Variants in SIPA1L3 observed in about 807,000 individuals in gnomAD.
SIPA1L3 encodes the protein signal induced proliferation associated 1 like 3.
SIPA1L3 carries 59 observed loss-of-function variants against 150.1 expected under a neutral mutation model. The ratio of observed to expected loss-of-function variants is 0.39; its 90% CI spans 0.32 to 0.49. The LOEUF (loss-of-function observed/expected upper bound fraction) is 0.49. Ranked by LOEUF, SIPA1L3 falls within the 20% of genes least tolerant of loss-of-function variation. SIPA1L3 has a pLI of 0.86. For synonymous variants in SIPA1L3, 1,070 were observed against 1,077.6 expected (o/e 0.99, Z 0.14); for missense variants, 2,211 against 2,489.5 (o/e 0.89, Z 2.38).
At position 37,939,361 on chromosome 19, in the gene SIPA1L3, A is replaced by C. The variant is rs117688643; in HGVS notation, c.-379+32003A>C. ...GGCTGCAGTGAGCCGAGATTGCACCATGCACTCCAGCCTGGGCGACAGAGT... is the reference window on the plus strand; with the variant it reads ...GGCTGCAGTGAGCCGAGATTGCACCCTGCACTCCAGCCTGGGCGACAGAGT... On this transcript the variant is annotated intron_variant, in intron 1 of 21. Transcript: ENST00000222345. 7.1e-3 allele frequency among the ~76,000 whole-genome samples: 1,023 copies of C among 144,210 alleles called. 31 individuals are homozygous for C. Among genetic ancestry groups the C allele is most frequent in the East Asian group, 0.069 (344 of 4,996 alleles). The allele number at this position is 144,210 out of a possible 152,430, so 94.6% of individuals were successfully genotyped here.
At chr19:38,126,793 C>T (rs192304838) in intron 9 of SIPA1L3, among the ~76,000 whole-genome samples, 152 of 152,256 alleles carry the variant, frequency 1.0e-3, no homozygotes, top group African/African-American at 3.6e-3. Flanking sequence ...ACCTCAGCCT[C>T]CCAAAGTGCT....
chr19:38,104,576 GT>G lies in SIPA1L3; in HGVS notation c.2030-1954del, dbSNP rs905432684. ...TGTGAGTGTTAGTATTGGTTTTTTTGTTTTTTTGTTTTTTTGAGACAGTCTC... is the reference window on the plus strand; with the variant it reads ...TGTGAGTGTTAGTATTGGTTTTTTTGTTTTTTGTTTTTTTGAGACAGTCTC... On this transcript the variant is annotated intron_variant, in intron 6 of 21. Transcript: ENST00000222345. Among the ~76,000 whole-genome samples, 37 of 152,008 alleles carry G rather than the reference GT, an allele frequency of 2.4e-4. 1 individual carries two copies. The South Asian group carries it at 3.7e-3, about 15-fold the overall frequency.
chr19:37,943,012 T>TTCTC (rs4007702), intron 1 of SIPA1L3, among the ~76,000 whole-genome samples: 10 of 102,008 alleles, frequency 9.8e-5, no homozygotes, highest in Non-Finnish European at 1.5e-4. Flanking sequence ...CCCAGCCTCT[T>TTCTC]TCTCTCTCTC....
At chr19:38,100,931 T>C in intron 5 of SIPA1L3, 121 bp from the exon 6 acceptor site, 4 of 1,165,660 alleles carry the variant, frequency 3.4e-6, no homozygotes, top group Non-Finnish European at 4.5e-6. Flanking sequence ...TGGCTATGGC[T>C]CTGGGTTCCC....
intron 1 of SIPA1L3, among the ~76,000 whole-genome samples, chr19:37,959,665 T>C (rs1258628053): frequency 2.0e-5 from 3 of 152,210 alleles, no homozygotes; most frequent in Admixed American, 1.3e-4. Context: ...ATGTGATTGT[T>C]GGTGTGTTTG....
At chr19:37,916,354 G>C (rs982182452) in intron 1 of SIPA1L3, among the ~76,000 whole-genome samples, 18 of 151,950 alleles carry the variant, frequency 1.2e-4, no homozygotes, top group East Asian at 3.9e-4. Context: ...TTTTAAATTA[G>C]CCAGGCTTGG....
At chr19:37,968,687 CTCCCAAGTTGGTTCCAG>C (rs2046927160) in intron 1 of SIPA1L3, among the ~76,000 whole-genome samples, 1 of 152,248 alleles carries the variant, frequency 6.6e-6, no homozygotes, top group African/African-American at 2.4e-5. Context: ...TCTCCTTGAT[CTCCCAAGTTGGTTCCAG>C]TCTCAAATTG....
At chr19:38,104,537 A>G (rs1970577235) in intron 6 of SIPA1L3, among the ~76,000 whole-genome samples, 1 of 152,072 alleles carries the variant, frequency 6.6e-6, no homozygotes, top group African/African-American at 2.4e-5. Context: ...CCTGGCGTGG[A>G]GGAAGCTGGC....
At chr19:37,956,172 T>C (rs1048281554) in intron 1 of SIPA1L3, among the ~76,000 whole-genome samples, 3 of 152,164 alleles carry the variant, frequency 2.0e-5, no homozygotes, top group African/African-American at 7.2e-5. Context: ...AGTATTTCTT[T>C]ATCCTCACCA....
At chr19:38,060,541 G>A (rs577564351) in intron 2 of SIPA1L3, among the ~76,000 whole-genome samples, 1 of 152,316 alleles carries the variant, frequency 6.6e-6, no homozygotes, top group Admixed American at 6.5e-5. Context: ...CCAGTGGTGA[G>A]GACAGAATGA....
At chr19:38,024,026 G>T (rs1294249877) in intron 1 of SIPA1L3, among the ~76,000 whole-genome samples, 2 of 152,126 alleles carry the variant, frequency 1.3e-5, no homozygotes, top group East Asian at 3.9e-4. Flanking sequence ...GGGGAGGGGG[G>T]TGGACGAGGT....
chr19:37,913,466 G>A (rs980167361), intron 1 of SIPA1L3, among the ~76,000 whole-genome samples: 2 of 152,120 alleles, frequency 1.3e-5, no homozygotes, highest in African/African-American at 4.8e-5. Context: ...CACAATCTCA[G>A]CTCACTGCAA....
intron 4 of SIPA1L3, among the ~76,000 whole-genome samples, chr19:38,090,065 C>T (rs1157802529): frequency 6.6e-6 from 1 of 152,234 alleles, no homozygotes; most frequent in African/African-American, 2.4e-5. Flanking sequence ...CGCAGTGGCT[C>T]ACTCTTGTAA....
chr19:38,140,569 G>A (rs1297666957), intron 10 of SIPA1L3, among the ~76,000 whole-genome samples: 5 of 152,126 alleles, frequency 3.3e-5, no homozygotes, highest in Admixed American at 1.3e-4. Flanking sequence ...GGACACTGGC[G>A]GCCTGGCAGC....
chr19:37,927,727 GGTGTGTGT>G (rs59246699), intron 1 of SIPA1L3, among the ~76,000 whole-genome samples: 2 of 139,526 alleles, frequency 1.4e-5, no homozygotes, highest in Non-Finnish European at 3.1e-5. Flanking sequence ...AAGAACATGG[GGTGTGTGT>G]GTGTGTGTGT....
chr19:38,198,811 C>G (rs1298343743), intron 19 of SIPA1L3, among the ~76,000 whole-genome samples: 1 of 152,216 alleles, frequency 6.6e-6, no homozygotes, highest in Non-Finnish European at 1.5e-5. Context: ...CACGTGAGGC[C>G]AAGCACAGTG....
rs563214095 is a variant in SIPA1L3 at position 38,048,023 on chromosome 19, C to T, written c.-311+18867C>T. On this transcript the variant is annotated intron_variant, in intron 2 of 21. Coordinates refer to ENST00000222345, the MANE Select transcript of SIPA1L3 (RefSeq NM_015073.3). ...GAGCTCTCGTGCACAGAGAATCGTG[C>T]GTGTGCCTCTGGGTGGGCAGGGGAC... Among the ~76,000 whole-genome samples, 6 of 152,258 alleles carry T rather than the reference C, an allele frequency of 3.9e-5. 1 individual carries two copies. In the East Asian group the frequency reaches 5.8e-4, roughly 15 times the overall value.
intron 2 of SIPA1L3, among the ~76,000 whole-genome samples, chr19:38,034,679 A>C (rs540413422): frequency 6.6e-6 from 1 of 152,284 alleles, no homozygotes; most frequent in African/African-American, 2.4e-5. Context: ...TGTGTAACTA[A>C]CTACCTCCCA....
intron 3 of SIPA1L3, chr19:38,087,846 G>A (rs1654359): frequency 0.16 from 24,501 of 152,148 alleles, 2,108 homozygotes; most frequent in African/African-American, 0.22. Context: ...GTGAAACCCC[G>A]TCTCTGCTAA....
Sources: gnomAD v4.1 joint callset for allele counts (sites outside exome capture counted in the v4.1 genomes callset) on GRCh38, gnomAD v4.1.1 for gene constraint, MANE v1.5 for transcripts, NCBI Gene and HGNC (gene_info 2026-07-23, HGNC 2026-07-21) for gene names.